GNA13: variants seen among roughly 807,000 people sequenced by gnomAD.
The protein encoded by GNA13 is G protein subunit alpha 13.
In GNA13, 4 loss-of-function variants were observed where a neutral mutation model predicts 33.5. The ratio of observed to expected loss-of-function variants is 0.12; its 90% CI spans 0.06 to 0.27. GNA13 has a LOEUF of 0.27. Among genes scored for constraint, GNA13 ranks in the 10% least tolerant of loss-of-function variants. The pLI is 1.00. For synonymous variants in GNA13, 176 were observed against 183.8 expected (o/e 0.96, Z 0.34); for missense variants, 319 against 487.2 (o/e 0.65, Z 3.25).
intron 2 of GNA13, among the ~76,000 whole-genome samples, chr17:65,051,518 G>A (rs1364073307): frequency 6.6e-6 from 1 of 152,180 alleles, no homozygotes; most frequent in Non-Finnish European, 1.5e-5. Context: ...GGGAGGCTGA[G>A]GCAGGAGAAT....
At chr17:65,019,715 G>C (rs1344617554) in intron 2 of GNA13, among the ~76,000 whole-genome samples, 1 of 152,174 alleles carries the variant, frequency 6.6e-6, no homozygotes, top group African/African-American at 2.4e-5. Flanking sequence ...ACGGCTAATA[G>C]GTACAAAAGA....
chr17:65,015,493 T>C (rs1305491416), intron 3 of GNA13, among the ~76,000 whole-genome samples: 1 of 151,686 alleles, frequency 6.6e-6, no homozygotes, highest in African/African-American at 2.4e-5. Flanking sequence ...AAACCCCATC[T>C]CTACTAAAAA....
At chr17:65,034,525 C>T (rs1907174151) in intron 2 of GNA13, among the ~76,000 whole-genome samples, 1 of 152,086 alleles carries the variant, frequency 6.6e-6, no homozygotes, top group Non-Finnish European at 1.5e-5. Flanking sequence ...GTCTCGATCT[C>T]CTGACCTTGT....
At position 65,012,210 on chromosome 17, in the gene GNA13, A is replaced by G. The variant is rs2143761467; in HGVS notation, c.*2047T>C. 4.5e-6 allele frequency: 1 copy of G among 220,130 alleles called. No individual in the cohort carries two copies. The highest frequency in any genetic ancestry group is 2.2e-5 in the African/African-American group (1 of 44,788). The allele number at this position is 220,130 out of a possible 1,614,324, so 13.6% of individuals were successfully genotyped here. ...ATGGTTCGTATCACAGATCTTAACT[A>G]TGACTTAAGTAAGATGAAGTGTCCT... On this transcript the variant is annotated 3_prime_UTR_variant, in exon 4 of 4. Transcript: ENST00000439174.
chr17:65,031,900 G>GAGAA (rs1555601945), intron 2 of GNA13, among the ~76,000 whole-genome samples: 1 of 139,622 alleles, frequency 7.2e-6, no homozygotes, highest in African/African-American at 3.1e-5. Context: ...GAGAGAAAGA[G>GAGAA]AGAGAGAGAG....
chr17:65,038,843 G>T (rs557489894), intron 2 of GNA13, among the ~76,000 whole-genome samples: 2 of 152,276 alleles, frequency 1.3e-5, no homozygotes, highest in Non-Finnish European at 2.9e-5. Flanking sequence ...CTAGCACAAA[G>T]CTTATTTTAT....
chr17:65,014,467 A>G lies in GNA13; in HGVS notation c.924T>C (p.Tyr308=). ...EKVQIVSIKD[Y]FLEFEGDPHC... Reference sequence around the variant, plus strand: ...GGGGATCCCCTTCAAATTCTAGGAAATAGTCTTTGATGCTCACAATTTGCA... The same window carrying G: ...GGGGATCCCCTTCAAATTCTAGGAAGTAGTCTTTGATGCTCACAATTTGCA... The change falls in exon 4 of 4, where the codon TAT becomes TAC. Residue 308 remains tyrosine (Y), a synonymous_variant. Coordinates refer to ENST00000439174, the MANE Select transcript of GNA13 (RefSeq NM_006572.6). This position sits in a 1 kb window ranked among gnomAD's most constrained non-coding sequence, Gnocchi z 5.3. 6.2e-7 allele frequency: 1 copy of G among 1,613,774 alleles called. No individual in the cohort carries two copies. The highest frequency in any genetic ancestry group is 1.1e-5 in the South Asian group (1 of 91,078).
intron 2 of GNA13, among the ~76,000 whole-genome samples, chr17:65,051,547 G>A (rs916404505): frequency 1.3e-5 from 2 of 152,034 alleles, no homozygotes; most frequent in Non-Finnish European, 2.9e-5. Flanking sequence ...CCCAGGAGGC[G>A]GAGGTGAGCC....
At chr17:65,044,627 C>T (rs1445662694) in intron 2 of GNA13, among the ~76,000 whole-genome samples, 1 of 150,966 alleles carries the variant, frequency 6.6e-6, no homozygotes, top group Admixed American at 6.6e-5. Context: ...CCAGCAAAAA[C>T]CCCATCTCTT....
At chr17:65,037,290 G>A (rs1907281673) in intron 2 of GNA13, among the ~76,000 whole-genome samples, 1 of 152,158 alleles carries the variant, frequency 6.6e-6, no homozygotes, top group Admixed American at 6.5e-5. Context: ...CCAGAGGGTT[G>A]AAAGTACTGT....
Position 65,056,239 on chromosome 17 carries a change from GC to G in GNA13, c.283+71del. ...CAGCGACACAGCGGACCAGGGCGGT[GC>G]CCCGCCCCGCACCCGCCGCCGCCCC... On this transcript the variant is annotated intron_variant, in intron 1 of 3. Transcript: ENST00000439174. The G allele has an allele frequency of 3.2e-6, 3 of 936,144 alleles. 1 individual carries two copies. Among genetic ancestry groups the G allele is most frequent in the Non-Finnish European group, 4.7e-6 (3 of 634,632 alleles). The allele number at this position is 936,144 out of a possible 1,614,324, so 58.0% of individuals were successfully genotyped here. A position where few individuals can be genotyped will look rare whatever the true frequency, so the allele number is the denominator to read the frequency against.
At chr17:65,048,542 T>C (rs1251349166) in intron 2 of GNA13, among the ~76,000 whole-genome samples, 1 of 152,188 alleles carries the variant, frequency 6.6e-6, no homozygotes, top group Non-Finnish European at 1.5e-5. Context: ...TACCTTAAGT[T>C]ATAACGAGAA....
At chr17:65,045,469 A>G (rs2143820765) in intron 2 of GNA13, among the ~76,000 whole-genome samples, 1 of 132,630 alleles carries the variant, frequency 7.5e-6, no homozygotes, top group Non-Finnish European at 1.6e-5. Context: ...AGCTGGGATC[A>G]GGCACTCCAG....
intron 3 of GNA13, among the ~76,000 whole-genome samples, 156 bp downstream of exon 3, chr17:65,018,092 TAAAAA>T (rs767082596): frequency 3.8e-3 from 82 of 21,474 alleles, no homozygotes; most frequent in Non-Finnish European, 4.7e-3. Flanking sequence ...ACGCCACCAC[TAAAAA>T]AAAAAAAAAA....
At chr17:65,052,681 T>C (rs1440031427) in intron 2 of GNA13, among the ~76,000 whole-genome samples, 5 of 152,222 alleles carry the variant, frequency 3.3e-5, no homozygotes, top group Non-Finnish European at 7.3e-5. Flanking sequence ...TTGGATACTT[T>C]TATTCCAAAC....
chr17:65,017,093 GT>G (rs1906396624), intron 3 of GNA13, among the ~76,000 whole-genome samples: 1 of 151,808 alleles, frequency 6.6e-6, no homozygotes, highest in Non-Finnish European at 1.5e-5. Context: ...CGATTATGAC[GT>G]TAAAGGTTAC....
intron 2 of GNA13, among the ~76,000 whole-genome samples, chr17:65,031,917 AGAGAGTGTGTGTGTGTGTGTGT>A (rs1232787814): frequency 2.3e-5 from 3 of 128,182 alleles, no homozygotes; most frequent in African/African-American, 9.6e-5. Flanking sequence ...AGAGAGAGAG[AGAGAGTGTGTGTGTGTGTGTGT>A]GTGTGTGTGT....
intron 2 of GNA13, among the ~76,000 whole-genome samples, chr17:65,024,972 CT>C (rs939534148): frequency 6.6e-6 from 1 of 152,128 alleles, no homozygotes; most frequent in African/African-American, 2.4e-5. Context: ...TCGAGGCTCA[CT>C]GTAGCCTTGA....
At chr17:65,042,372 A>G (rs921008530) in intron 2 of GNA13, among the ~76,000 whole-genome samples, 37 of 151,654 alleles carry the variant, frequency 2.4e-4, no homozygotes, top group Middle Eastern at 3.4e-3. Context: ...AAAAAAAAAA[A>G]AAGAAGAACC....
Sources: gnomAD v4.1 joint callset for allele counts (sites outside exome capture counted in the v4.1 genomes callset) on GRCh38, gnomAD v4.1.1 for gene constraint, Gnocchi (gnomAD v3.1) non-coding constraint, MANE v1.5 for transcripts, NCBI Gene and HGNC (gene_info 2026-07-23, HGNC 2026-07-21) for gene names.